DPYD: variants seen among roughly 807,000 people sequenced by gnomAD.
DPYD encodes the protein dihydropyrimidine dehydrogenase [NADP(+)].
DPYD carries 109 observed loss-of-function variants against 116.2 expected under a neutral mutation model. The observed-to-expected ratio is 0.94, with a 90% CI of 0.80 to 1.10. The LOEUF (loss-of-function observed/expected upper bound fraction) is 1.10. Among genes scored for constraint, DPYD ranks in the 50% least tolerant of loss-of-function variants. The pLI is 0.00. For synonymous variants in DPYD, 440 were observed against 432.0 expected (o/e 1.02, Z -0.23); for missense variants, 1,302 against 1,254.5 (o/e 1.04, Z -0.57).
At chr1:97,554,672 T>TG (rs1651563280) in intron 11 of DPYD, among the ~76,000 whole-genome samples, 1 of 152,088 alleles carries the variant, frequency 6.6e-6, no homozygotes, top group Admixed American at 6.6e-5. Context: ...TAGAATAACC[T>TG]GGGGTAAGGA....
intron 14 of DPYD, among the ~76,000 whole-genome samples, chr1:97,393,638 G>T (rs1411562508): frequency 6.6e-6 from 1 of 151,980 alleles, no homozygotes; most frequent in East Asian, 1.9e-4. Context: ...CTTTTTTATG[G>T]CTGCATAGTA....
At chr1:97,876,379 GTGAGGCAC>G (rs1267828220) in intron 2 of DPYD, among the ~76,000 whole-genome samples, 2 of 152,024 alleles carry the variant, frequency 1.3e-5, no homozygotes, top group African/African-American at 2.4e-5. Context: ...GGTGAAGTAA[GTGAGGCAC>G]TGAGGCACTA....
intron 16 of DPYD, among the ~76,000 whole-genome samples, chr1:97,335,828 A>G (rs1251135555): frequency 2.0e-5 from 3 of 152,210 alleles, no homozygotes; most frequent in Non-Finnish European, 4.4e-5. Context: ...CAAAGACAAC[A>G]GAGTCAATTT....
chr1:97,680,276 G>A (rs1387643028), intron 7 of DPYD, among the ~76,000 whole-genome samples: 3 of 152,118 alleles, frequency 2.0e-5, no homozygotes, highest in Non-Finnish European at 4.4e-5. Context: ...CTAAATCAAA[G>A]ATAATATCCT....
chr1:97,417,381 T>C lies in DPYD; in HGVS notation c.1905+32678A>G, dbSNP rs79157526. ...TTTTAAAGTGAAAACTTAAAAGCAC[T>C]CAACCAATATTAGCTACTTCCTCTG... On this transcript the variant is annotated intron_variant, in intron 14 of 22. Transcript: ENST00000370192. Among the ~76,000 whole-genome samples the C allele has an allele frequency of 8.3e-3, 1,263 of 152,346 alleles. 10 individuals are homozygous for C. Among genetic ancestry groups the C allele is most frequent in the Non-Finnish European group, 0.014 (960 of 68,026 alleles).
intron 3 of DPYD, among the ~76,000 whole-genome samples, chr1:97,810,330 G>A (rs1668294906): frequency 6.9e-6 from 1 of 144,664 alleles, no homozygotes; most frequent in Non-Finnish European, 1.5e-5. Context: ...GAAATAAAAA[G>A]GGCACTTACC....
At chr1:97,732,538 A>C (rs1029849774) in intron 4 of DPYD, among the ~76,000 whole-genome samples, 11 of 152,010 alleles carry the variant, frequency 7.2e-5, no homozygotes, top group Non-Finnish European at 1.3e-4. Context: ...AAACAGAAGC[A>C]AGATACATCT....
chr1:97,468,147 T>C (rs1179699763), intron 13 of DPYD, among the ~76,000 whole-genome samples: 1 of 152,224 alleles, frequency 6.6e-6, no homozygotes, highest in Non-Finnish European at 1.5e-5. Context: ...AAATTATTTA[T>C]GGACACTAAA....
At chr1:97,329,422 C>G (rs1668867582) in intron 16 of DPYD, among the ~76,000 whole-genome samples, 1 of 151,870 alleles carries the variant, frequency 6.6e-6, no homozygotes, top group Admixed American at 6.6e-5. Flanking sequence ...GTTTGATGAG[C>G]ACTCTGTGGC....
chr1:97,892,742 A>G (rs1205238506), intron 1 of DPYD, among the ~76,000 whole-genome samples: 2 of 151,814 alleles, frequency 1.3e-5, no homozygotes, highest in Non-Finnish European at 2.9e-5. Context: ...AGCTCTGTAC[A>G]AAGGCCAATT....
intron 20 of DPYD, among the ~76,000 whole-genome samples, chr1:97,178,807 C>A (rs1462879220): frequency 6.6e-6 from 1 of 152,146 alleles, no homozygotes; most frequent in Non-Finnish European, 1.5e-5. Flanking sequence ...ATCTTAGTGG[C>A]TTAACAAAAT....
At chr1:97,441,506 T>C (rs1675793310) in intron 14 of DPYD, among the ~76,000 whole-genome samples, 1 of 152,184 alleles carries the variant, frequency 6.6e-6, no homozygotes, top group Non-Finnish European at 1.5e-5. Context: ...AGCTTCCAGT[T>C]ACCTTTCATC....
At chr1:97,749,045 A>G (rs1664717692) in intron 3 of DPYD, among the ~76,000 whole-genome samples, 1 of 152,174 alleles carries the variant, frequency 6.6e-6, no homozygotes, top group African/African-American at 2.4e-5. Context: ...GTGACAAAAG[A>G]CGCTTTCCTT....
rs1649239648 is a variant in DPYD at position 97,082,619 on chromosome 1, T to TA, written c.2767-150_2767-149insT. The TA allele has an allele frequency of 8.4e-6, 8 of 949,584 alleles. No homozygotes were observed. The South Asian group carries it at 1.2e-4, about 14-fold the overall frequency. 58.8% of individuals were successfully genotyped at this position (949,584 alleles called of 1,614,324 possible). On this transcript the variant is annotated intron_variant, in intron 21 of 22. Transcript: ENST00000370192. The stretch of plus-strand genomic sequence containing the variant: ...TAGTATAATTCTCATAGATAAGCTT[T>TA]TTATGATAATTATAGCTTAGATGTT...
chr1:97,798,647 C>T (rs1667703141), intron 3 of DPYD, among the ~76,000 whole-genome samples: 1 of 151,752 alleles, frequency 6.6e-6, no homozygotes, highest in Admixed American at 6.6e-5. Flanking sequence ...TAGTACCTAC[C>T]TCACAGGATT....
At chr1:97,873,359 T>C (rs970821307) in intron 2 of DPYD, among the ~76,000 whole-genome samples, 2 of 151,852 alleles carry the variant, frequency 1.3e-5, no homozygotes, top group Admixed American at 1.3e-4. Flanking sequence ...TTTAAGGGGG[T>C]TCATTACTCC....
chr1:97,506,360 T>A (rs1300299086), intron 13 of DPYD, among the ~76,000 whole-genome samples: 1 of 151,986 alleles, frequency 6.6e-6, no homozygotes, highest in Non-Finnish European at 1.5e-5. Context: ...GATTGTATCA[T>A]CTAAACATAC....
At chr1:97,341,726 A>T (rs570159612) in intron 16 of DPYD, among the ~76,000 whole-genome samples, 1 of 152,300 alleles carries the variant, frequency 6.6e-6, no homozygotes, top group African/African-American at 2.4e-5. Context: ...TTTCTCCTTA[A>T]GGAAGATTAG....
At chr1:97,632,611 T>C (rs1041591202) in intron 8 of DPYD, among the ~76,000 whole-genome samples, 1 of 152,134 alleles carries the variant, frequency 6.6e-6, no homozygotes, top group African/African-American at 2.4e-5. Flanking sequence ...TTGACTCTCA[T>C]TGGAAAAGTT....
Sources: gnomAD v4.1 joint callset for allele counts (sites outside exome capture counted in the v4.1 genomes callset) on GRCh38, gnomAD v4.1.1 for gene constraint, MANE v1.5 for transcripts, NCBI Gene and HGNC (gene_info 2026-07-23, HGNC 2026-07-21) for gene names.